LVRN: variants seen among roughly 807,000 people sequenced by gnomAD.
The protein encoded by LVRN is laeverin.
In LVRN, 99 loss-of-function variants were observed where a neutral mutation model predicts 111.4. The ratio of observed to expected loss-of-function variants is 0.89; its 90% confidence interval spans 0.76 to 1.05. The LOEUF (loss-of-function observed/expected upper bound fraction) is 1.05. Among genes scored for constraint, LVRN ranks in the 50% least tolerant of loss-of-function variants. The pLI, the probability that LVRN is intolerant of heterozygous loss-of-function variation, is 0.00. For missense variants in LVRN, 1,414 were observed against 1,206.8 expected (o/e 1.17, Z -2.54); for synonymous variants, 488 against 449.5 (o/e 1.09, Z -1.08).
intron 1 of LVRN, among the ~76,000 whole-genome samples, chr5:115,978,029 C>G (rs924612948): frequency 6.6e-6 from 1 of 152,158 alleles, no homozygotes; most frequent in African/African-American, 2.4e-5. Flanking sequence ...GTGAAAGCAG[C>G]ATGATTAAAA....
intron 3 of LVRN, among the ~76,000 whole-genome samples, chr5:115,985,053 G>A (rs543620014): frequency 9.9e-4 from 151 of 152,292 alleles, no homozygotes; most frequent in African/African-American, 3.5e-3. Flanking sequence ...AGTATGTGAT[G>A]TGTACTTAGC....
rs1748515119 is a variant in LVRN, at chr5:116,012,605, T to C, written c.2342+137T>C. On this transcript the variant is annotated intron_variant, in intron 15 of 19. Transcript: ENST00000357872. The stretch of plus-strand genomic sequence containing the variant: ...GCTATTATTATTTGAGAACAATAGC[T>C]CAGAGGTTGGTGGGCTACATGTATT... 3 of 568,408 alleles carry C rather than the reference T, an allele frequency of 5.3e-6. No individual in the cohort carries two copies. In the South Asian group the frequency reaches 7.3e-5, roughly 14 times the overall value. 35.2% of individuals were successfully genotyped at this position (568,408 alleles called of 1,614,324 possible).
intron 4 of LVRN, among the ~76,000 whole-genome samples, chr5:115,990,707 G>C (rs548309023): frequency 1.3e-5 from 2 of 152,156 alleles, no homozygotes. Context: ...CAGTAGCTGG[G>C]ATTACAGGTG....
chr5:115,990,007 G>A (rs927209499), intron 4 of LVRN, among the ~76,000 whole-genome samples: 2 of 152,078 alleles, frequency 1.3e-5, no homozygotes, highest in African/African-American at 4.8e-5. Context: ...GGTGAAAAAC[G>A]ATTTGGTTTA....
Position 116,015,644 on chromosome 5 carries a change from A to G in LVRN, c.2635A>G (p.Ile879Val). The G allele has an allele frequency of 6.2e-7, 1 of 1,612,368 alleles. No individual in the cohort carries two copies. The highest frequency in any genetic ancestry group is 8.5e-7 in the Non-Finnish European group (1 of 1,179,300). The stretch of plus-strand genomic sequence containing the variant: ...CTTTTGCAGATATATGGAGTATGCC[A>G]TCAGCACATCTCCATTCACTTCTAA... ...WILNRYMEYA[I>V]STSPFTSNET... The change falls in exon 18 of 20, where the codon ATC becomes GTC. Residue 879 changes from isoleucine (I) to valine (V), a missense_variant. Transcript: ENST00000357872.
Position 115,992,190 on chromosome 5 carries a change from A to G in LVRN, c.1173A>G (p.Glu391=), listed in dbSNP as rs570395139. 6.2e-7 allele frequency: 1 copy of G among 1,614,000 alleles called. No homozygotes were observed. Among genetic ancestry groups the G allele is most frequent in the African/African-American group, 1.3e-5 (1 of 75,038 alleles). ...MENWGLMIFD[E]SGLLLEPKDQ... The stretch of plus-strand genomic sequence containing the variant: ...ACTGGGGACTAATGATATTTGATGA[A>G]TCAGGATTGTTGTTGGAACCAAAAG... Residue 391 remains glutamate, a synonymous_variant, in exon 5 of 20, where the codon GAA becomes GAG. Transcript: ENST00000357872.
Position 116,022,404 on chromosome 5 carries a change from T to C in LVRN, c.2770T>C (p.Ser924Pro), listed in dbSNP as rs761228311. ...ATTGCCTTGTAGGTATGGAACACAA[T>C]CATTGATTAATCTAATATATACAAT... ...QAVSKRYGTQ[S>P]LINLIYTIGR... Residue 924 changes from serine (S) to proline (P), a missense_variant, in exon 19 of 20, where the codon TCA (serine) becomes CCA (proline). Coordinates refer to ENST00000357872, the MANE Select transcript of LVRN (RefSeq NM_173800.5). 3.9e-5 allele frequency: 61 copies of C among 1,581,674 alleles called. No individual in the cohort carries two copies. Among genetic ancestry groups the C allele is most frequent in the South Asian group, 1.5e-4 (13 of 88,300 alleles).
rs1748042833 is a variant in LVRN, at chr5:115,993,609, A to G, written c.1261-132A>G. 3 of 620,342 alleles carry G rather than the reference A, an allele frequency of 4.8e-6. No homozygotes were observed. The South Asian group carries it at 6.8e-5, about 14-fold the overall frequency. The allele number at this position is 620,342 out of a possible 1,614,324, so 38.4% of individuals were successfully genotyped here. A position where few individuals can be genotyped will look rare whatever the true frequency, so the allele number is the denominator to read the frequency against. ...TTGCTTTTTTGGTGTCCTGTCTTCA[A>G]GTTTTGTTATTGATGGCAAATAAAT... On this transcript the variant is annotated intron_variant, in intron 5 of 19. Coordinates refer to ENST00000357872, the MANE Select transcript of LVRN (RefSeq NM_173800.5).
chr5:115,982,357 T>A (rs1753578026), intron 1 of LVRN, among the ~76,000 whole-genome samples: 1 of 152,178 alleles, frequency 6.6e-6, no homozygotes, highest in African/African-American at 2.4e-5. Flanking sequence ...CACCTCTTAT[T>A]TATCCAAGAA....
At chr5:115,975,422 T>C (rs1753423655) in intron 1 of LVRN, 1 of 190,474 alleles carries the variant, frequency 5.3e-6, no homozygotes, top group Non-Finnish European at 1.1e-5. Context: ...TTCTAAACTT[T>C]TATTGCATCA....
intron 13 of LVRN, among the ~76,000 whole-genome samples, chr5:116,006,469 A>G (rs1367219426): frequency 6.6e-6 from 1 of 152,022 alleles, no homozygotes; most frequent in African/African-American, 2.4e-5. Flanking sequence ...TGTGACTTAC[A>G]GTACATTTCC....
chr5:115,964,029 T>C (rs1753148392), intron 1 of LVRN, among the ~76,000 whole-genome samples: 1 of 152,226 alleles, frequency 6.6e-6, no homozygotes, highest in African/African-American at 2.4e-5. Flanking sequence ...CATGTGTTCT[T>C]TTTACACTCA....
In LVRN at chr5:115,963,032, G is replaced by T. The variant is rs764681509; in HGVS notation, c.415G>T (p.Val139Leu). Residue 139 changes from valine (V) to leucine (L), a missense_variant, in exon 1 of 20, where the codon GTG becomes TTG. By Grantham distance (32) the Val-to-Leu change is conservative. Transcript: ENST00000357872. ...GRVNITVRCT[V>L]ATSRLLLHSL... ...CGTGAACATCACGGTGCGCTGCACG[G>T]TGGCCACCTCTCGACTGCTGCTGCA... 1.6e-5 allele frequency: 26 copies of T among 1,613,590 alleles called. 2 individuals are homozygous for T. In the South Asian group the frequency reaches 2.9e-4, roughly 18 times the overall value.
intron 1 of LVRN, among the ~76,000 whole-genome samples, chr5:115,978,149 CA>C (rs1350485923): frequency 5.3e-5 from 8 of 152,106 alleles, no homozygotes; most frequent in Admixed American, 5.2e-4. Flanking sequence ...GTATGACACA[CA>C]AGAGAGAAAT....
chr5:115,964,443 A>T (rs1431342635), intron 1 of LVRN, among the ~76,000 whole-genome samples: 5 of 152,194 alleles, frequency 3.3e-5, no homozygotes, highest in Non-Finnish European at 7.3e-5. Context: ...GTTTTTCTTT[A>T]AAAAATACAT....
At chr5:116,003,798 A>G (rs544804465) in intron 12 of LVRN, among the ~76,000 whole-genome samples, 61 of 152,032 alleles carry the variant, frequency 4.0e-4, no homozygotes, top group African/African-American at 1.4e-3. Flanking sequence ...AGCCAGGATG[A>G]TCTCAATCTC....
intron 18 of LVRN, among the ~76,000 whole-genome samples, chr5:116,019,620 T>G (rs1748671716): frequency 4.6e-5 from 7 of 152,286 alleles, no homozygotes; most frequent in Admixed American, 3.3e-4. Flanking sequence ...GATTTCATTT[T>G]ATTTTTGTTT....
At position 115,984,652 on chromosome 5, in the gene LVRN, A is replaced by C; in HGVS notation, c.921A>C (p.Leu307Phe). The C allele has an allele frequency of 1.2e-6, 2 of 1,613,714 alleles. No homozygotes were observed. Among genetic ancestry groups the C allele is most frequent in the Non-Finnish European group, 1.7e-6 (2 of 1,179,770 alleles). Residue 307 changes from leucine (L) to phenylalanine (F), a missense_variant, in exon 3 of 20, where the codon TTA becomes TTC. Leu to Phe is a conservative substitution (Grantham distance 22). Coordinates refer to ENST00000357872, the MANE Select transcript of LVRN (RefSeq NM_173800.5). ...CTACGCCCCACATGCCAACTTACTTAGTCGCATTTGTTATATGTGACTATG... is the reference window on the plus strand; with the variant it reads ...CTACGCCCCACATGCCAACTTACTTCGTCGCATTTGTTATATGTGACTATG... ...FSTTPHMPTY[L>F]VAFVICDYDH...
intron 4 of LVRN, among the ~76,000 whole-genome samples, chr5:115,988,982 A>G (rs185034263): frequency 6.6e-6 from 1 of 152,180 alleles, no homozygotes; most frequent in East Asian, 1.9e-4. Flanking sequence ...CCTCTATCTA[A>G]TTAGTCACCT....
Sources: allele counts gnomAD v4.1 joint callset (sites outside exome capture counted in the v4.1 genomes callset), GRCh38; gene constraint gnomAD v4.1.1; transcripts MANE v1.5; gene names NCBI Gene and HGNC (gene_info 2026-07-23, HGNC 2026-07-21).